The following EPS8 variants were observed in gnomAD, a reference collection of about 807,000 sequenced individuals.
EPS8 encodes the protein epidermal growth factor receptor kinase substrate 8.
A neutral mutation model predicts 103.8 loss-of-function variants in EPS8; 42 were observed. The ratio of observed to expected loss-of-function variants is 0.40; its 90% CI spans 0.32 to 0.52. The LOEUF (loss-of-function observed/expected upper bound fraction) is 0.52, where lower values mean the gene tolerates loss of function less well. Ranked by LOEUF, EPS8 falls within the 20% of genes least tolerant of loss-of-function variation. The pLI is 0.40. For missense variants in EPS8, 969 were observed against 1,005.1 expected (o/e 0.96, Z 0.49); for synonymous variants, 344 against 344.6 (o/e 1.00, Z 0.02).
intron 8 of EPS8, among the ~76,000 whole-genome samples, chr12:15,663,941 A>AG (rs71042266): frequency 2.7e-5 from 2 of 73,280 alleles, no homozygotes; most frequent in Non-Finnish European, 5.0e-5. Flanking sequence ...AAAAAAAAAA[A>AG]AAAAATAATA....
chr12:15,655,502 T>G (rs1945491871), intron 12 of EPS8, among the ~76,000 whole-genome samples: 1 of 152,138 alleles, frequency 6.6e-6, no homozygotes, highest in African/African-American at 2.4e-5. Context: ...CTGGAATGAA[T>G]GAAAAAAGAT....
intron 1 of EPS8, among the ~76,000 whole-genome samples, chr12:15,754,990 A>C (rs1327323198): frequency 1.3e-5 from 2 of 152,244 alleles, no homozygotes; most frequent in African/African-American, 2.4e-5. Context: ...TTGCGACTGC[A>C]AATCAAGATA....
At chr12:15,724,850 A>G (rs1303166916) in intron 1 of EPS8, among the ~76,000 whole-genome samples, 1 of 152,214 alleles carries the variant, frequency 6.6e-6, no homozygotes, top group Non-Finnish European at 1.5e-5. Context: ...CTGTGAGTCC[A>G]TTAAACCTCT....
intron 19 of EPS8, among the ~76,000 whole-genome samples, chr12:15,623,746 T>C (rs1316667741): frequency 6.6e-6 from 1 of 152,216 alleles, no homozygotes; most frequent in Non-Finnish European, 1.5e-5. Context: ...GATAGATAAA[T>C]AGAACCTTTA....
At chr12:15,648,777 C>T (rs1945363237) in intron 14 of EPS8, among the ~76,000 whole-genome samples, 1 of 152,102 alleles carries the variant, frequency 6.6e-6, no homozygotes, top group African/African-American at 2.4e-5. Context: ...GAAATGATGA[C>T]AAATGACTAA....
intron 13 of EPS8, among the ~76,000 whole-genome samples, chr12:15,651,822 G>A (rs1945420109): frequency 1.3e-5 from 2 of 152,056 alleles, no homozygotes; most frequent in Admixed American, 1.3e-4. Flanking sequence ...ACCTTTATGA[G>A]TTTTTAAATC....
At chr12:15,774,424 T>C (rs1947186248) in intron 1 of EPS8, among the ~76,000 whole-genome samples, 1 of 150,406 alleles carries the variant, frequency 6.6e-6, no homozygotes, top group Non-Finnish European at 1.5e-5. Flanking sequence ...TGGAAAATTA[T>C]TAGATCACAA....
At position 15,771,397 on chromosome 12, in the gene EPS8, T is replaced by C. The variant is rs889862238; in HGVS notation, c.-22+17764A>G. On this transcript the variant is annotated intron_variant, in intron 1 of 20. Coordinates refer to ENST00000281172, the MANE Select transcript of EPS8 (RefSeq NM_004447.6). This position sits in a 1 kb window ranked among gnomAD's most constrained non-coding sequence, Gnocchi z 4.6. ...CAGTTTTTAAAGCAATGGACTGACA[T>C]CATCTGAACTCAGCTTTAGCAAGAC... Among the ~76,000 whole-genome samples the C allele has an allele frequency of 6.6e-5, 10 of 152,200 alleles. No homozygotes were observed. The highest frequency in any genetic ancestry group is 1.5e-4 in the Non-Finnish European group (10 of 68,042).
chr12:15,774,635 A>G (rs998206719), intron 1 of EPS8, among the ~76,000 whole-genome samples: 1 of 147,736 alleles, frequency 6.8e-6, no homozygotes, highest in Admixed American at 6.8e-5. Context: ...ATATAAATAT[A>G]CATACATACA....
At chr12:15,675,284 G>A (rs1357459399) in intron 3 of EPS8, among the ~76,000 whole-genome samples, 6 of 152,206 alleles carry the variant, frequency 3.9e-5, no homozygotes, top group Admixed American at 3.3e-4. Flanking sequence ...TAACATCACA[G>A]AGCAGTTTAA....
chr12:15,747,252 CAATAGTT>C lies in EPS8; in HGVS notation c.-22+41902_-22+41908del, dbSNP rs1946884738. Among the ~76,000 whole-genome samples the C allele has an allele frequency of 6.6e-6, 1 of 152,112 alleles. No individual in the cohort carries two copies. On this transcript the variant is annotated intron_variant, in intron 1 of 20. Transcript: ENST00000281172. The surrounding 1 kb of genome is among the most constrained non-coding windows in gnomAD (Gnocchi z 4.4). The stretch of plus-strand genomic sequence containing the variant: ...AAACTGTGGCTCTAATGTAAAGACT[CAATAGTT>C]AATAAACTGATTTTATTTTGGTTCT...
At chr12:15,770,687 C>T (rs58969726) in intron 1 of EPS8, among the ~76,000 whole-genome samples, 11,282 of 152,196 alleles carry the variant, frequency 0.074, 1,355 homozygotes, top group African/African-American at 0.25. Context: ...GAATGGGAAC[C>T]TGAAAAACAG....
chr12:15,733,304 G>C lies in EPS8; in HGVS notation c.-21-50332C>G, dbSNP rs1946736994. On this transcript the variant is annotated intron_variant, in intron 1 of 20. Coordinates refer to ENST00000281172, the MANE Select transcript of EPS8 (RefSeq NM_004447.6). This position sits in a 1 kb window ranked among gnomAD's most constrained non-coding sequence, Gnocchi z 4.8. ...TGAGAGGGGACAGTGTGTGAAGGAGGAACTGTCAAACACTTAATAAAACCA... is the reference window on the plus strand; with the variant it reads ...TGAGAGGGGACAGTGTGTGAAGGAGCAACTGTCAAACACTTAATAAAACCA... 6.6e-6 allele frequency among the ~76,000 whole-genome samples: 1 copy of C among 152,032 alleles called. No individual in the cohort carries two copies. The highest frequency in any genetic ancestry group is 1.5e-5 in the Non-Finnish European group (1 of 68,008).
In EPS8 at chr12:15,776,948, A is replaced by G. The variant is rs1947212308; in HGVS notation, c.-22+12213T>C. Among the ~76,000 whole-genome samples the G allele has an allele frequency of 6.6e-6, 1 of 152,230 alleles. No homozygotes were observed. The highest frequency in any genetic ancestry group is 1.9e-4 in the East Asian group (1 of 5,206). On this transcript the variant is annotated intron_variant, in intron 1 of 20. Coordinates refer to ENST00000281172, the MANE Select transcript of EPS8 (RefSeq NM_004447.6). The surrounding 1 kb of genome is among the most constrained non-coding windows in gnomAD (Gnocchi z 4.2). ...AAACCATAAACATAACACAAAATGT[A>G]TTTGCTAGCCATTGGATTAAATTAT... is the stretch of plus-strand genomic sequence containing the variant.
At chr12:15,711,281 A>T (rs922414969) in intron 1 of EPS8, among the ~76,000 whole-genome samples, 26 of 152,102 alleles carry the variant, frequency 1.7e-4, no homozygotes, top group African/African-American at 5.8e-4. Context: ...CGATTTAATG[A>T]CAAATGACAT....
intron 2 of EPS8, 59 bp downstream of exon 2, chr12:15,682,834 A>G (rs1946031586): frequency 4.3e-6 from 4 of 930,874 alleles, no homozygotes; most frequent in Admixed American, 2.1e-5. Flanking sequence ...ATATAAAACA[A>G]TTAAAATCAC....
At position 15,681,306 on chromosome 12, in the gene EPS8, T is replaced by C. The variant is rs1565497332; in HGVS notation, c.60-4A>G. ...GGTAGGTGATGATCCGTAGCCACTG[T>C]AATAATAATAATAATAATAATAATA... On this transcript the variant is annotated splice_region_variant and splice_polypyrimidine_tract_variant and intron_variant, in intron 2 of 20. Transcript: ENST00000281172. The C allele has an allele frequency of 3.4e-6, 2 of 594,076 alleles. No homozygotes were observed. Among genetic ancestry groups the C allele is most frequent in the Non-Finnish European group, 4.5e-6 (2 of 443,198 alleles). The allele number at this position is 594,076 out of a possible 1,614,324, so 36.8% of individuals were successfully genotyped here.
At chr12:15,631,687 C>T in intron 17 of EPS8, 23 bp from the exon 18 acceptor site, 1 of 1,551,072 alleles carries the variant, frequency 6.4e-7, no homozygotes, top group Non-Finnish European at 8.7e-7. Flanking sequence ...AAATAATTAA[C>T]TTAAAATTTA....
intron 4 of EPS8, 55 bp from the exon 5 acceptor site, chr12:15,669,880 T>C: frequency 7.5e-7 from 1 of 1,336,688 alleles, no homozygotes. Flanking sequence ...ACATACAACC[T>C]CTTAGTATAC....
Sources: allele counts gnomAD v4.1 joint callset (sites outside exome capture counted in the v4.1 genomes callset), GRCh38; gene constraint gnomAD v4.1.1; non-coding constraint Gnocchi (gnomAD v3.1); transcripts MANE v1.5; gene names NCBI Gene and HGNC (gene_info 2026-07-23, HGNC 2026-07-21).